The following SSU72 variants were observed in gnomAD, a reference collection of about 807,000 sequenced individuals.
SSU72 encodes the protein RNA polymerase II subunit A C-terminal domain phosphatase SSU72.
In SSU72, 12 loss-of-function variants were observed where a neutral mutation model predicts 22.7. That is an observed-to-expected ratio of 0.53 (90% CI 0.34 to 0.86). The LOEUF (loss-of-function observed/expected upper bound fraction) is 0.86, where lower values mean the gene tolerates loss of function less well. SSU72 is among the 40% of genes least tolerant of loss of function. The probability of loss-of-function intolerance (pLI) is 0.02; values close to 1 mark genes in which losing one functional copy is unlikely to be tolerated. For synonymous variants in SSU72, 116 were observed against 98.3 expected (o/e 1.18, Z -1.06); for missense variants, 151 against 249.8 (o/e 0.60, Z 2.67).
At chr1:1,571,437 A>C (rs906597049) in intron 1 of SSU72, among the ~76,000 whole-genome samples, 20 of 149,914 alleles carry the variant, frequency 1.3e-4, no homozygotes, top group Non-Finnish European at 1.6e-4. Flanking sequence ...ACTTCAACAA[A>C]AAAAAAAAAA....
At chr1:1,560,442 C>G (rs915831081) in intron 2 of SSU72, among the ~76,000 whole-genome samples, 11 of 152,188 alleles carry the variant, frequency 7.2e-5, no homozygotes, top group African/African-American at 2.7e-4. Flanking sequence ...TCTAACTTTA[C>G]CGAAGGCTCG....
At chr1:1,545,127 G>A in intron 2 of SSU72, 125 bp from the exon 3 acceptor site, 1 of 1,179,974 alleles carries the variant, frequency 8.5e-7, no homozygotes, top group Non-Finnish European at 1.2e-6. Context: ...CGAAGGCCTG[G>A]ACAGCGGAGT....
intron 1 of SSU72, among the ~76,000 whole-genome samples, chr1:1,570,662 C>T (rs753647894): frequency 6.6e-6 from 1 of 152,074 alleles, no homozygotes; most frequent in Non-Finnish European, 1.5e-5. Context: ...TAAGCCATCT[C>T]GTGGCAAAAA....
intron 1 of SSU72, among the ~76,000 whole-genome samples, chr1:1,567,983 T>A (rs1291856337): frequency 2.0e-5 from 3 of 150,652 alleles, no homozygotes; most frequent in Non-Finnish European, 4.4e-5. Flanking sequence ...GGAGACAGCC[T>A]GCCTCCCAAC....
At chr1:1,562,319 T>TA in intron 2 of SSU72, 1 of 152,234 alleles carries the variant, frequency 6.6e-6, no homozygotes, top group African/African-American at 2.4e-5. Flanking sequence ...AACTGAAGAG[T>TA]AATTGTCAAA....
At chr1:1,546,673 C>T (rs1642392825) in intron 2 of SSU72, among the ~76,000 whole-genome samples, 2 of 152,028 alleles carry the variant, frequency 1.3e-5, no homozygotes, top group Middle Eastern at 6.8e-3. Context: ...CCCGTCTCTA[C>T]TAAAAATACA....
In SSU72 at chr1:1,574,618, C is replaced by G. The variant is rs923488686; in HGVS notation, c.-61G>C. On this transcript the variant is annotated 5_prime_UTR_variant, in exon 1 of 5. Transcript: ENST00000291386. ...GGTTCCCACCCTACCGCGGCGCTTC[C>G]GCGCGAACAAAATGGCGGCCGCGGT... 8.7e-6 allele frequency: 13 copies of G among 1,495,740 alleles called. No individual in the cohort carries two copies. The highest frequency in any genetic ancestry group is 1.2e-5 in the Non-Finnish European group (13 of 1,115,438). 92.7% of individuals were successfully genotyped at this position (1,495,740 alleles called of 1,614,324 possible). A position where few individuals can be genotyped will look rare whatever the true frequency, so the allele number is the denominator to read the frequency against.
chr1:1,568,079 A>G (rs551583577), intron 1 of SSU72, among the ~76,000 whole-genome samples: 1 of 152,262 alleles, frequency 6.6e-6, no homozygotes, highest in South Asian at 2.1e-4. Flanking sequence ...CCCCAACAAA[A>G]GGTTCACGAA....
At chr1:1,544,057 G>GCTGGGGAC in intron 3 of SSU72, 70 bp from the exon 4 acceptor site, 3 of 1,228,022 alleles carry the variant, frequency 2.4e-6, no homozygotes, top group Non-Finnish European at 3.5e-6. Flanking sequence ...ATGTGGCTGA[G>GCTGGGGAC]TCCCCAGCTC....
intron 2 of SSU72, chr1:1,562,231 G>C (rs1265916432): frequency 6.7e-6 from 1 of 150,234 alleles, no homozygotes; most frequent in Admixed American, 6.7e-5. Flanking sequence ...CACCAATCAA[G>C]GGAGTGTGAG....
chr1:1,567,830 G>A (rs1261455651), intron 1 of SSU72, among the ~76,000 whole-genome samples: 1 of 149,744 alleles, frequency 6.7e-6, no homozygotes, highest in Non-Finnish European at 1.5e-5. Context: ...GGAGAATTGC[G>A]TGAACCCCGG....
At chr1:1,562,706 G>A (rs1642609717) in intron 2 of SSU72, 1 of 152,364 alleles carries the variant, frequency 6.6e-6, no homozygotes, top group African/African-American at 2.4e-5. Flanking sequence ...CATGTCGGGA[G>A]GGCCTCCTTT....
At chr1:1,552,953 G>T (rs1464413398) in intron 2 of SSU72, among the ~76,000 whole-genome samples, 1 of 150,846 alleles carries the variant, frequency 6.6e-6, no homozygotes, top group Non-Finnish European at 1.5e-5. Flanking sequence ...CCCACGAGGC[G>T]GAGGTTGCAG....
chr1:1,544,711 C>T (rs760708354), intron 3 of SSU72, 152 bp downstream of exon 3: 2 of 1,069,196 alleles, frequency 1.9e-6, no homozygotes, highest in East Asian at 4.9e-5. Context: ...ACCAGCGGCC[C>T]TGCCTGCCTT....
chr1:1,567,954 C>T (rs1642682712), intron 1 of SSU72, among the ~76,000 whole-genome samples: 1 of 149,766 alleles, frequency 6.7e-6, no homozygotes, highest in Non-Finnish European at 1.5e-5. Context: ...CCAGGATCAG[C>T]GTGATCACAG....
intron 3 of SSU72, among the ~76,000 whole-genome samples, chr1:1,544,286 C>T (rs1032800755): frequency 1.3e-5 from 2 of 151,946 alleles, no homozygotes; most frequent in African/African-American, 2.4e-5. Flanking sequence ...AAGACCAGCC[C>T]TCCCTGCTCC....
At chr1:1,549,287 C>T (rs890425936) in intron 2 of SSU72, among the ~76,000 whole-genome samples, 1 of 151,846 alleles carries the variant, frequency 6.6e-6, no homozygotes, top group Non-Finnish European at 1.5e-5. Flanking sequence ...TTTGCGAGGC[C>T]GAGGCAGGTG....
At chr1:1,544,683 C>T in intron 3 of SSU72, 180 bp downstream of exon 3, 1 of 743,180 alleles carries the variant, frequency 1.3e-6, no homozygotes, top group Non-Finnish European at 2.3e-6. Flanking sequence ...CTGCAGCCAG[C>T]ACATGGGTGG....
In SSU72 at chr1:1,574,729, C is replaced by T; in HGVS notation, c.-172G>A. The T allele has an allele frequency of 2.0e-6, 1 of 494,642 alleles. No homozygotes were observed. The highest frequency in any genetic ancestry group is 3.2e-6 in the Non-Finnish European group (1 of 316,054). 30.6% of individuals were successfully genotyped at this position (494,642 alleles called of 1,614,324 possible). ...GCGGCCTCCCCGCCCACCCTGGGCG[C>T]CGGGCCGCGGACGGAGCGCAGGCAC... On this transcript the variant is annotated 5_prime_UTR_variant, in exon 1 of 5. Coordinates refer to ENST00000291386, the MANE Select transcript of SSU72 (RefSeq NM_014188.3).
Sources: allele counts gnomAD v4.1 joint callset (sites outside exome capture counted in the v4.1 genomes callset), GRCh38; gene constraint gnomAD v4.1.1; transcripts MANE v1.5; gene names NCBI Gene and HGNC (gene_info 2026-07-23, HGNC 2026-07-21).